Variants in CYP4X1 observed in about 807,000 individuals in gnomAD.
The protein encoded by CYP4X1 is cytochrome P450 4X1.
A neutral mutation model predicts 57.9 loss-of-function variants in CYP4X1; 44 were observed. The ratio of observed to expected loss-of-function variants is 0.76; its 90% CI spans 0.60 to 0.98. The LOEUF is 0.98. Ranked by LOEUF, CYP4X1 falls within the 50% of genes least tolerant of loss-of-function variation. CYP4X1 has a pLI of 0.00. For missense variants in CYP4X1, 532 were observed against 623.9 expected (o/e 0.85, Z 1.57); for synonymous variants, 227 against 228.6 (o/e 0.99, Z 0.06).
upstream of CYP4X1, among the ~76,000 whole-genome samples, chr1:47,020,341 T>C (rs920331848): frequency 6.6e-6 from 1 of 152,232 alleles, no homozygotes; most frequent in African/African-American, 2.4e-5. Context: ...GGGCAATACA[T>C]GGCACATGAT....
the CYP4X1 span, among the ~76,000 whole-genome samples, chr1:46,989,042 T>C: frequency 6.6e-6 from 1 of 152,160 alleles, no homozygotes; most frequent in Admixed American, 6.5e-5. Context: ...TTGGCAGTTC[T>C]GGCCAGAGCA....
At chr1:46,998,345 T>A in the CYP4X1 span, among the ~76,000 whole-genome samples, 1 of 152,128 alleles carries the variant, frequency 6.6e-6, no homozygotes, top group Non-Finnish European at 1.5e-5. Flanking sequence ...CTGCTTAATT[T>A]TTTACTTTTT....
chr1:46,982,307 A>G, the CYP4X1 span, among the ~76,000 whole-genome samples: 1 of 152,092 alleles, frequency 6.6e-6, no homozygotes, highest in Non-Finnish European at 1.5e-5. Context: ...CTGAATCTCG[A>G]TATTTGATAA....
intron 8 of CYP4X1, among the ~76,000 whole-genome samples, chr1:47,042,422 GT>G (rs1278018212): frequency 6.6e-6 from 1 of 151,588 alleles, no homozygotes; most frequent in Non-Finnish European, 1.5e-5. Context: ...TGCAATTTGT[GT>G]TTTCTTCAAT....
chr1:46,984,494 C>T, the CYP4X1 span, among the ~76,000 whole-genome samples: 1 of 151,912 alleles, frequency 6.6e-6, no homozygotes, highest in East Asian at 1.9e-4. Flanking sequence ...TTCTGCATTT[C>T]CAACTGAGAT....
the CYP4X1 span, among the ~76,000 whole-genome samples, chr1:46,994,683 G>A: frequency 6.6e-6 from 1 of 152,178 alleles, no homozygotes; most frequent in Admixed American, 6.5e-5. Flanking sequence ...TCCACCTGGG[G>A]AAATAGCAAG....
chr1:47,037,051 G>A (rs1035074221), intron 6 of CYP4X1, among the ~76,000 whole-genome samples: 1 of 152,162 alleles, frequency 6.6e-6, no homozygotes, highest in African/African-American at 2.4e-5. Flanking sequence ...ATAAATAGCA[G>A]CAGTTCCCAA....
the CYP4X1 span, among the ~76,000 whole-genome samples, chr1:47,001,345 A>G: frequency 6.6e-6 from 1 of 152,214 alleles, no homozygotes. Flanking sequence ...ACATGGATGG[A>G]TAAAGAGTTA....
At chr1:47,028,316 A>C (rs1644091481) in intron 1 of CYP4X1, among the ~76,000 whole-genome samples, 1 of 152,226 alleles carries the variant, frequency 6.6e-6, no homozygotes, top group African/African-American at 2.4e-5. Context: ...ACACTTGGGC[A>C]GATCATTTAA....
the CYP4X1 span, among the ~76,000 whole-genome samples, chr1:46,965,297 C>A: frequency 3.3e-5 from 5 of 152,178 alleles, no homozygotes; most frequent in South Asian, 8.3e-4. Context: ...TGAGATGAAC[C>A]CAGTACCTCA....
the CYP4X1 span, among the ~76,000 whole-genome samples, chr1:46,986,490 C>T: frequency 3.9e-5 from 6 of 152,132 alleles, no homozygotes; most frequent in Non-Finnish European, 5.9e-5. Context: ...ACTTCCCCAA[C>T]CTAGCAAGAC....
At chr1:46,966,518 G>A in the CYP4X1 span, among the ~76,000 whole-genome samples, 1 of 152,086 alleles carries the variant, frequency 6.6e-6, no homozygotes, top group Non-Finnish European at 1.5e-5. Flanking sequence ...GCTGGGGGTT[G>A]GGGTTTCTTT....
chr1:47,019,887 A>G (rs1229569067), upstream of CYP4X1, among the ~76,000 whole-genome samples: 1 of 152,244 alleles, frequency 6.6e-6, no homozygotes, highest in African/African-American at 2.4e-5. Flanking sequence ...TTAGAATTGT[A>G]CTTGGCACTT....
At chr1:46,994,206 G>A in the CYP4X1 span, among the ~76,000 whole-genome samples, 2 of 152,082 alleles carry the variant, frequency 1.3e-5, no homozygotes, top group Non-Finnish European at 2.9e-5. Context: ...CCCATTTCTT[G>A]TTTTTGTCAG....
chr1:46,997,626 T>C, the CYP4X1 span, among the ~76,000 whole-genome samples: 1 of 152,230 alleles, frequency 6.6e-6, no homozygotes, highest in Non-Finnish European at 1.5e-5. Flanking sequence ...ACTCTTAGGT[T>C]GATTCAATGC....
chr1:47,020,969 G>A (rs1012236462), upstream of CYP4X1, among the ~76,000 whole-genome samples: 16 of 151,906 alleles, frequency 1.1e-4, no homozygotes, highest in Admixed American at 6.6e-4. Flanking sequence ...TGAGATGGAA[G>A]GAGCCATCAG....
downstream of CYP4X1, among the ~76,000 whole-genome samples, chr1:47,050,977 C>G (rs941474524): frequency 6.6e-6 from 1 of 152,076 alleles, no homozygotes; most frequent in African/African-American, 2.4e-5. Flanking sequence ...ATTTTTGCAA[C>G]CTACTCATCT....
the CYP4X1 span, among the ~76,000 whole-genome samples, chr1:46,989,182 A>T: frequency 5.3e-5 from 8 of 152,212 alleles, no homozygotes; most frequent in Non-Finnish European, 1.0e-4. Context: ...CCTTAAGCTG[A>T]TAAGAAACTT....
the CYP4X1 span, among the ~76,000 whole-genome samples, chr1:47,010,943 G>A: frequency 3.1e-4 from 47 of 152,136 alleles, no homozygotes; most frequent in Admixed American, 2.0e-4. Context: ...CCATGCTCAC[G>A]GGTAGGAAGA....
Sources: gnomAD v4.1 joint callset for allele counts (sites outside exome capture counted in the v4.1 genomes callset) on GRCh38, gnomAD v4.1.1 for gene constraint, MANE v1.5 for transcripts, NCBI Gene and HGNC (gene_info 2026-07-23, HGNC 2026-07-21) for gene names.